IL2RB: variants seen among roughly 807,000 people sequenced by gnomAD.
IL2RB encodes the protein interleukin 2 receptor subunit beta, also known as interleukin-2 receptor subunit beta.
In IL2RB, 17 loss-of-function variants were observed where a neutral mutation model predicts 44.2. The observed-to-expected ratio is 0.38, with a 90% CI of 0.26 to 0.58. The LOEUF is 0.58. Ranked by LOEUF, IL2RB falls within the 20% of genes least tolerant of loss-of-function variation. The probability of loss-of-function intolerance (pLI) is 0.63; values close to 1 mark genes in which losing one functional copy is unlikely to be tolerated. For missense variants in IL2RB, 624 were observed against 685.5 expected (o/e 0.91, Z 1.00); for synonymous variants, 286 against 297.9 (o/e 0.96, Z 0.41).
chr22:37,143,032 C>G (rs1207127999), intron 3 of IL2RB, among the ~76,000 whole-genome samples: 7 of 152,098 alleles, frequency 4.6e-5, no homozygotes, highest in Non-Finnish European at 8.8e-5. Flanking sequence ...CAGTCCCTCA[C>G]TCACTGGCCG....
chr22:37,132,674 C>A lies in IL2RB; in HGVS notation c.819-206G>T, dbSNP rs1921494065. Among the ~76,000 whole-genome samples, 3 of 152,252 alleles carry A rather than the reference C, an allele frequency of 2.0e-5. No homozygotes were observed. In the East Asian group the frequency reaches 5.8e-4, roughly 29 times the overall value. The stretch of plus-strand genomic sequence containing the variant: ...GAATGGCCAACAAAGGAGGTCCCTG[C>A]TCTCAAGGAGCTGACATTCTCATGG... On this transcript the variant is annotated intron_variant, in intron 8 of 9. Coordinates refer to ENST00000216223, the MANE Select transcript of IL2RB (RefSeq NM_000878.5).
intron 8 of IL2RB, among the ~76,000 whole-genome samples, chr22:37,133,356 G>T (rs1436095775): frequency 3.9e-5 from 6 of 152,176 alleles, no homozygotes; most frequent in African/African-American, 1.4e-4. Context: ...GAGGAAACGG[G>T]GCTCCGAACA....
chr22:37,140,544 C>T (rs1921913899), intron 4 of IL2RB, among the ~76,000 whole-genome samples: 1 of 151,958 alleles, frequency 6.6e-6, no homozygotes, highest in African/African-American at 2.4e-5. Context: ...AATGGTGGAG[C>T]CAGGATCAGA....
chr22:37,140,421 C>G (rs1015886553), intron 4 of IL2RB, among the ~76,000 whole-genome samples: 1 of 152,038 alleles, frequency 6.6e-6, no homozygotes, highest in African/African-American at 2.4e-5. Context: ...CATATATTGT[C>G]TCATTTAATT....
upstream of IL2RB, among the ~76,000 whole-genome samples, chr22:37,151,669 C>T (rs1922492991): frequency 6.6e-6 from 1 of 152,082 alleles, no homozygotes; most frequent in Non-Finnish European, 1.5e-5. Context: ...CCCCAATGTT[C>T]CTTTTAGTAG....
Position 37,128,432 on chromosome 22 carries a change from G to A in IL2RB, c.1320C>T (p.Pro440=). 6.5e-7 allele frequency: 1 copy of A among 1,535,056 alleles called. No homozygotes were observed. The highest frequency in any genetic ancestry group is 8.8e-7 in the Non-Finnish European group (1 of 1,139,754). Residue 440 remains proline, a synonymous_variant, in exon 10 of 10, where the codon CCC becomes CCT. Coordinates refer to ENST00000216223, the MANE Select transcript of IL2RB (RefSeq NM_000878.5). This position sits in a 1 kb window ranked among gnomAD's most constrained non-coding sequence, Gnocchi z 4.5. ...CACTGCCCCCAGGGGCAGTGCTTGG[G>A]GGGCTGGGGCCACCGAGGAGACTGG... ...FSPSLLGGPS[P]PSTAPGGSGA...
At chr22:37,143,703 G>T in intron 2 of IL2RB, 68 bp from the exon 3 acceptor site, 1 of 1,123,820 alleles carries the variant, frequency 8.9e-7, no homozygotes, top group Non-Finnish European at 1.4e-6. Context: ...CACGCCCACT[G>T]CCCCTGCACC....
chr22:37,136,683 C>A (rs1455110229), intron 6 of IL2RB, among the ~76,000 whole-genome samples: 1 of 152,058 alleles, frequency 6.6e-6, no homozygotes, highest in African/African-American at 2.4e-5. Flanking sequence ...GCCTGAGCTG[C>A]CGCCCTCTCC....
intron 1 of IL2RB, among the ~76,000 whole-genome samples, chr22:37,156,847 C>T (rs12628602): frequency 2.0e-5 from 3 of 152,216 alleles, no homozygotes; most frequent in Non-Finnish European, 4.4e-5. Context: ...CCAGGGCCAC[C>T]TCCCTTCCTG....
rs553877474 is a variant in IL2RB at position 37,141,700 on chromosome 22, G to A, written c.282+734C>T. On this transcript the variant is annotated intron_variant, in intron 4 of 9. Transcript: ENST00000216223. The surrounding 1 kb of genome is among the most constrained non-coding windows in gnomAD (Gnocchi z 4.4). Reference sequence around the variant, plus strand: ...GGCACTACCACAGCCTGGCACGCTCGAGGCAGCACTGACTCACTGGCCCCA... The same window carrying A: ...GGCACTACCACAGCCTGGCACGCTCAAGGCAGCACTGACTCACTGGCCCCA... Among the ~76,000 whole-genome samples, 3 of 152,286 alleles carry A rather than the reference G, an allele frequency of 2.0e-5. No individual in the cohort carries two copies. Among genetic ancestry groups the A allele is most frequent in the East Asian group, 3.9e-4 (2 of 5,174 alleles).
rs540463915 is a variant in IL2RB, at chr22:37,155,975, C to T, written c.-33-11770G>A. Among the ~76,000 whole-genome samples the T allele has an allele frequency of 5.3e-5, 8 of 152,316 alleles. No homozygotes were observed. In the East Asian group the frequency reaches 1.3e-3, roughly 26 times the overall value. On this transcript the variant is annotated intron_variant, in intron 1 of 5. Transcript: ENST00000429622. ...GGGACAAGGGCATATTGGGGTCTTC[C>T]AGCCCTGATGTCCTTGGGCTGTCTT... is the stretch of plus-strand genomic sequence containing the variant.
intron 9 of IL2RB, among the ~76,000 whole-genome samples, chr22:37,130,399 C>T (rs958770552): frequency 1.7e-4 from 26 of 152,192 alleles, no homozygotes; most frequent in African/African-American, 4.8e-5. Flanking sequence ...GAGACACTCA[C>T]GCCCCTCACA....
chr22:37,137,186 T>C (rs974809037), intron 6 of IL2RB, among the ~76,000 whole-genome samples: 1 of 152,180 alleles, frequency 6.6e-6, no homozygotes, highest in Non-Finnish European at 1.5e-5. Flanking sequence ...CAAATATTTA[T>C]TGAGTGAGCA....
At chr22:37,148,620 G>A (rs1214390815) in intron 1 of IL2RB, among the ~76,000 whole-genome samples, 2 of 152,158 alleles carry the variant, frequency 1.3e-5, no homozygotes, top group South Asian at 2.1e-4. Flanking sequence ...ACAGGGACTG[G>A]TGCCTGCTCT....
In IL2RB at chr22:37,127,086, C is replaced by G. The variant is rs1393897807; in HGVS notation, c.*1010G>C. Reference sequence around the variant, plus strand: ...GGCCTGGCAGCATCAGGGCCCACCACTAGGCGGGGCTGCTGCCTGGGCCTC... The same window carrying G: ...GGCCTGGCAGCATCAGGGCCCACCAGTAGGCGGGGCTGCTGCCTGGGCCTC... On this transcript the variant is annotated 3_prime_UTR_variant, in exon 10 of 10. Coordinates refer to ENST00000216223, the MANE Select transcript of IL2RB (RefSeq NM_000878.5). 6.6e-6 allele frequency: 1 copy of G among 152,148 alleles called. No homozygotes were observed. Among genetic ancestry groups the G allele is most frequent in the Middle Eastern group, 3.1e-3 (1 of 320 alleles). 9.4% of individuals were successfully genotyped at this position (152,148 alleles called of 1,614,324 possible).
At chr22:37,136,470 C>CCA in intron 6 of IL2RB, 77 bp from the exon 7 acceptor site, 1 of 1,443,202 alleles carries the variant, frequency 6.9e-7, no homozygotes, top group East Asian at 2.5e-5. Flanking sequence ...CACAGAACCC[C>CCA]CCCCCAACCC....
chr22:37,154,575 C>CTTT (rs57147928), upstream of IL2RB, among the ~76,000 whole-genome samples: 54 of 141,612 alleles, frequency 3.8e-4, no homozygotes, highest in Middle Eastern at 3.5e-3. Flanking sequence ...CTTTTTTTTT[C>CTTT]TTTTTTTTTT....
chr22:37,126,501 T>A lies in IL2RB; in HGVS notation c.*1595A>T, dbSNP rs1312099091. 1.3e-5 allele frequency: 2 copies of A among 152,166 alleles called. No homozygotes were observed. Among genetic ancestry groups the A allele is most frequent in the African/African-American group, 4.8e-5 (2 of 41,430 alleles). 9.4% of individuals were successfully genotyped at this position (152,166 alleles called of 1,614,324 possible). On this transcript the variant is annotated 3_prime_UTR_variant, in exon 10 of 10. Coordinates refer to ENST00000216223, the MANE Select transcript of IL2RB (RefSeq NM_000878.5). ...CTCCCAAGGGCCTCCCTCCCTGAGT[T>A]CAAACGCCCAAGACAGAGTTGATCT...
chr22:37,153,226 C>T (rs1030088717), upstream of IL2RB, among the ~76,000 whole-genome samples: 61 of 152,136 alleles, frequency 4.0e-4, no homozygotes, highest in African/African-American at 1.4e-3. Context: ...TGAGCCACTG[C>T]GCCCAGCCTG....
Sources: allele counts gnomAD v4.1 joint callset (sites outside exome capture counted in the v4.1 genomes callset), GRCh38; gene constraint gnomAD v4.1.1; non-coding constraint Gnocchi (gnomAD v3.1); transcripts MANE v1.5; gene names NCBI Gene and HGNC (gene_info 2026-07-23, HGNC 2026-07-21).